The following CFAP92 variants were observed in gnomAD, a reference collection of about 807,000 sequenced individuals.
CFAP92 encodes uncharacterized protein CFAP92.
Under a neutral mutation model 106.3 loss-of-function variants are expected in CFAP92, and 86 were observed. That is an observed-to-expected ratio of 0.81 (90% CI 0.68 to 0.97). The LOEUF is 0.97. Ranked by LOEUF, CFAP92 falls within the 50% of genes least tolerant of loss-of-function variation. The pLI is 0.00. For synonymous variants in CFAP92, 477 were observed against 506.4 expected (o/e 0.94, Z 0.78); for missense variants, 1,204 against 1,283.8 (o/e 0.94, Z 0.95).
chr3:129,000,543 C>T (rs959851447), intron 1 of CFAP92, among the ~76,000 whole-genome samples: 5 of 152,184 alleles, frequency 3.3e-5, no homozygotes, highest in Admixed American at 1.3e-4. Flanking sequence ...GCTGGATAAC[C>T]GTTCCCGGTG....
chr3:128,915,203 T>C lies in CFAP92; in HGVS notation c.3196A>G (p.Arg1066Gly). 6.5e-7 allele frequency: 1 copy of C among 1,536,120 alleles called. No homozygotes were observed. The highest frequency in any genetic ancestry group is 8.7e-7 in the Non-Finnish European group (1 of 1,146,902). Residue 1066 changes from arginine to glycine, a missense_variant, in exon 15 of 16, where the codon AGG (arginine) becomes GGG (glycine). By Grantham distance (125) the Arg-to-Gly change is moderately radical (BLOSUM62 -2). Coordinates refer to ENST00000645291, the MANE Select transcript of CFAP92 (RefSeq NM_001394090.1). ...TACAGATCAAAGTCCACGTGGTGCC[T>C]GTCCCAGCTCCACCTGTCTCGATCC... ...VLDRDRWSWDRHHVDFDLYKK... is the reference protein window; with the variant it reads ...VLDRDRWSWDGHHVDFDLYKK...
chr3:128,964,780 G>A (rs996111116), intron 9 of CFAP92, among the ~76,000 whole-genome samples: 20 of 151,392 alleles, frequency 1.3e-4, no homozygotes, highest in South Asian at 4.2e-4. Flanking sequence ...CTTACCACAA[G>A]ACCTCCCTTC....
intron 9 of CFAP92, among the ~76,000 whole-genome samples, chr3:128,961,270 G>A (rs1372282371): frequency 2.0e-5 from 3 of 152,182 alleles, no homozygotes; most frequent in East Asian, 1.9e-4. Flanking sequence ...CTTCCTAGTC[G>A]CTGTGCCCAG....
chr3:128,992,885 T>C (rs1944302076), intron 2 of CFAP92, among the ~76,000 whole-genome samples, 158 bp downstream of exon 2: 1 of 152,202 alleles, frequency 6.6e-6, no homozygotes, highest in Non-Finnish European at 1.5e-5. Flanking sequence ...CTAAAATTGC[T>C]GTTTCTTTTC....
At chr3:128,949,343 G>T (rs1000792732) in intron 9 of CFAP92, among the ~76,000 whole-genome samples, 1 of 152,182 alleles carries the variant, frequency 6.6e-6, no homozygotes, top group Admixed American at 6.5e-5. Flanking sequence ...ACAAACTGTG[G>T]TACACCCTTG....
Position 128,945,412 on chromosome 3 carries a change from C to T in CFAP92, c.1917G>A (p.Ala639=), listed in dbSNP as rs974422389. ...CTCTGGCCCCGGCCCTCAGTGGCAC[C>T]GCGATGTCCACTCGCAACTTGAGCT... is the stretch of plus-strand genomic sequence containing the variant. ...DSQLKLRVDI[A]VPLRAGARAA... is the part of the protein sequence containing the mutation. Residue 639 remains alanine (A), a synonymous_variant, in exon 10 of 16, where the codon GCG becomes GCA. Transcript: ENST00000645291. The T allele has an allele frequency of 6.5e-6, 10 of 1,535,988 alleles. No homozygotes were observed. The highest frequency in any genetic ancestry group is 5.9e-5 in the Admixed American group (3 of 50,980).
chr3:128,942,366 A>G (rs1429290321), intron 10 of CFAP92, among the ~76,000 whole-genome samples: 1 of 152,238 alleles, frequency 6.6e-6, no homozygotes. Context: ...GCAGCCAGGC[A>G]GCTCGCCCCA....
chr3:128,924,037 C>G (rs535069143), intron 12 of CFAP92, among the ~76,000 whole-genome samples: 3 of 152,094 alleles, frequency 2.0e-5, no homozygotes, highest in Non-Finnish European at 4.4e-5. Flanking sequence ...TCTGCAGATG[C>G]GGAAGCCACC....
At chr3:128,926,140 A>G (rs1437337085) in intron 12 of CFAP92, among the ~76,000 whole-genome samples, 1 of 152,242 alleles carries the variant, frequency 6.6e-6, no homozygotes, top group Admixed American at 6.5e-5. Flanking sequence ...TTGAACAAGC[A>G]CTTTATAAAA....
At chr3:128,922,390 C>T (rs1481375008) in intron 12 of CFAP92, among the ~76,000 whole-genome samples, 1 of 152,050 alleles carries the variant, frequency 6.6e-6, no homozygotes, top group Non-Finnish European at 1.5e-5. Context: ...ACTCAGTGGT[C>T]TTCTTCCCCA....
At chr3:128,982,457 C>A (rs1454871350) in intron 4 of CFAP92, among the ~76,000 whole-genome samples, 1 of 152,180 alleles carries the variant, frequency 6.6e-6, no homozygotes, top group Non-Finnish European at 1.5e-5. Context: ...CTATCCAGAC[C>A]ATTAAAACTT....
At position 128,919,040 on chromosome 3, in the gene CFAP92, C is replaced by T. The variant is rs146936560; in HGVS notation, c.2752-2769G>A. Among the ~76,000 whole-genome samples, 738 of 151,112 alleles carry T rather than the reference C, an allele frequency of 4.9e-3. 8 individuals are homozygous for T. The highest frequency in any genetic ancestry group is 0.017 in the African/African-American group (698 of 41,036). ...TTGGCTTACTACAACCTCCGCCTCCCGAGATGAAGTGATTCTCCTGCCTCA... is the reference window on the plus strand; with the variant it reads ...TTGGCTTACTACAACCTCCGCCTCCTGAGATGAAGTGATTCTCCTGCCTCA... On this transcript the variant is annotated intron_variant, in intron 12 of 15. Coordinates refer to ENST00000645291, the MANE Select transcript of CFAP92 (RefSeq NM_001394090.1).
At chr3:128,985,854 T>C (rs1378917510) in intron 4 of CFAP92, among the ~76,000 whole-genome samples, 1 of 152,254 alleles carries the variant, frequency 6.6e-6, no homozygotes, top group South Asian at 2.1e-4. Context: ...CCAGGGGTGA[T>C]TTTGACCCCC....
At chr3:129,002,150 C>A in intron 1 of CFAP92, 1 of 1,457,672 alleles carries the variant, frequency 6.9e-7, no homozygotes, top group Non-Finnish European at 9.0e-7. Flanking sequence ...AGACGCAGAT[C>A]CGCCTGCGCC....
At chr3:129,024,298 G>A in the CFAP92 span, among the ~76,000 whole-genome samples, 11 of 152,252 alleles carry the variant, frequency 7.2e-5, no homozygotes, top group South Asian at 8.3e-4. Flanking sequence ...TTGGAAAGCC[G>A]AGTCAGGCAG....
rs1938848803 is a variant in CFAP92, at chr3:128,935,123, A to G, written c.2453+2T>C. On this transcript the variant is annotated splice_donor_variant, in intron 11 of 15. Coordinates refer to ENST00000645291, the MANE Select transcript of CFAP92 (RefSeq NM_001394090.1). LOFTEE classifies it high-confidence loss of function. Reference sequence around the variant, plus strand: ...GACCACATGCGAGCTGCCACTGCCCACCTGGCTAGAGCCTGGAAGACCCGC... The same window carrying G: ...GACCACATGCGAGCTGCCACTGCCCGCCTGGCTAGAGCCTGGAAGACCCGC... 2 of 1,514,814 alleles carry G rather than the reference A, an allele frequency of 1.3e-6. No homozygotes were observed. The highest frequency in any genetic ancestry group is 1.8e-6 in the Non-Finnish European group (2 of 1,133,220). The allele number at this position is 1,514,814 out of a possible 1,614,324, so 93.8% of individuals were successfully genotyped here.
At chr3:128,961,382 A>G (rs1434168549) in intron 9 of CFAP92, among the ~76,000 whole-genome samples, 1 of 151,930 alleles carries the variant, frequency 6.6e-6, no homozygotes, top group African/African-American at 2.4e-5. Context: ...CTACAGACCC[A>G]TCTGACCTCT....
At chr3:129,007,173 C>T (rs1945109771), upstream of CFAP92, among the ~76,000 whole-genome samples, 1 of 152,208 alleles carries the variant, frequency 6.6e-6, no homozygotes, top group Non-Finnish European at 1.5e-5. Flanking sequence ...TCTGGATTCT[C>T]CTACCCCAGA....
chr3:128,963,841 G>T (rs1411854088), intron 9 of CFAP92, among the ~76,000 whole-genome samples: 1 of 150,272 alleles, frequency 6.7e-6, no homozygotes, highest in Non-Finnish European at 1.5e-5. Context: ...ACTCCTCAGG[G>T]ATTATTCAGG....
Sources: gnomAD v4.1 joint callset for allele counts (sites outside exome capture counted in the v4.1 genomes callset) on GRCh38, gnomAD v4.1.1 for gene constraint, MANE v1.5 for transcripts, NCBI Gene and HGNC (gene_info 2026-07-23, HGNC 2026-07-21) for gene names.